The following STN1 variants were observed in gnomAD, a reference collection of about 807,000 sequenced individuals.
STN1 encodes the protein STN1 subunit of CST complex.
Under a neutral mutation model 45.5 loss-of-function variants are expected in STN1, and 29 were observed. The observed-to-expected ratio is 0.64, with a 90% CI of 0.47 to 0.87. The LOEUF (loss-of-function observed/expected upper bound fraction) is 0.87. Among genes scored for constraint, STN1 ranks in the 40% least tolerant of loss-of-function variants. The pLI is 0.00. For missense variants in STN1, 376 were observed against 441.4 expected (o/e 0.85, Z 1.33); for synonymous variants, 148 against 159.0 (o/e 0.93, Z 0.52).
At chr10:103,897,188 T>TATTC (rs745572877) in intron 7 of STN1, among the ~76,000 whole-genome samples, 22 of 152,206 alleles carry the variant, frequency 1.4e-4, no homozygotes, top group Non-Finnish European at 2.5e-4. Flanking sequence ...TTTAATTTTT[T>TATTC]ATTCCTCTTA....
intron 4 of STN1, among the ~76,000 whole-genome samples, chr10:103,901,928 A>G (rs61861158): frequency 0.23 from 34,251 of 152,090 alleles, 4,328 homozygotes; most frequent in Non-Finnish European, 0.27. Context: ...AGTCATTTGG[A>G]TTTTTAATAC....
rs147944034 is a variant in STN1, at chr10:103,917,554, G to C, written c.41C>G (p.Ser14Cys). Residue 14 changes from serine (S) to cysteine (C), a missense_variant, in exon 2 of 10, where the codon TCC (serine) becomes TGC (cysteine). Transcript: ENST00000224950. ...CACAGGATCCAAACCCCACAAGAGGGAAGGGGTCTCCTCTTCACACCGGCT... is the reference window on the plus strand; with the variant it reads ...CACAGGATCCAAACCCCACAAGAGGCAAGGGGTCTCCTCTTCACACCGGCT... ...GSSRCEEETP[S>C]LLWGLDPVFL... 167 of 1,614,066 alleles carry C rather than the reference G, an allele frequency of 1.0e-4. 1 individual carries two copies. In the African/African-American group the frequency reaches 2.0e-3, roughly 20 times the overall value.
chr10:103,892,581 C>T (rs1843146918), intron 7 of STN1, among the ~76,000 whole-genome samples: 1 of 152,050 alleles, frequency 6.6e-6, no homozygotes, highest in Non-Finnish European at 1.5e-5. Context: ...AACCAAAACA[C>T]TGTATATATA....
Position 103,900,170 on chromosome 10 carries a change from G to T in STN1, c.349C>A (p.Gln117Lys). 1 of 1,614,134 alleles carries T rather than the reference G, an allele frequency of 6.2e-7. No individual in the cohort carries two copies. ...LSLTSQLKKL[Q>K]ETIEQKTKIE... The stretch of plus-strand genomic sequence containing the variant: ...TTTGTTTTCTGCTCAATGGTCTCTT[G>T]TAGCTTCTTAAGTTGTGAGGTTAAG... The change falls in exon 5 of 10, where the codon CAA (glutamine) becomes AAA (lysine). Residue 117 changes from glutamine to lysine, a missense_variant. By Grantham distance (53) the Gln-to-Lys change is moderately conservative. Coordinates refer to ENST00000224950, the MANE Select transcript of STN1 (RefSeq NM_024928.5).
At chr10:103,913,885 A>AC (rs1188138356) in intron 2 of STN1, among the ~76,000 whole-genome samples, 1 of 151,680 alleles carries the variant, frequency 6.6e-6, no homozygotes, top group Non-Finnish European at 1.5e-5. Context: ...GCATCAGAGG[A>AC]CCCCCTGGAT....
chr10:103,914,409 C>A (rs1379767126), intron 2 of STN1, among the ~76,000 whole-genome samples: 1 of 112,606 alleles, frequency 8.9e-6, no homozygotes, highest in Non-Finnish European at 1.7e-5. Context: ...GGGTCTTGCT[C>A]TGTTGTCCAG....
In STN1 at chr10:103,880,000, T is replaced by C. The variant is rs540275697; in HGVS notation, c.*2684A>G. On this transcript the variant is annotated 3_prime_UTR_variant, in exon 10 of 10. Coordinates refer to ENST00000224950, the MANE Select transcript of STN1 (RefSeq NM_024928.5). The stretch of plus-strand genomic sequence containing the variant: ...GACCTCTGGCTGGTGACGGCCCACC[T>C]GGGCCTCGCTTGACCATGCTACCTG... Among the ~76,000 whole-genome samples, 2 of 152,346 alleles carry C rather than the reference T, an allele frequency of 1.3e-5. No individual in the cohort carries two copies. The highest frequency in any genetic ancestry group is 4.1e-4 in the South Asian group (2 of 4,822).
At chr10:103,915,922 G>C (rs1026454945) in intron 2 of STN1, among the ~76,000 whole-genome samples, 2 of 151,988 alleles carry the variant, frequency 1.3e-5, no homozygotes, top group African/African-American at 4.8e-5. Context: ...TTCACAATAA[G>C]GTTTGCGCTC....
In STN1 at chr10:103,888,392, A is replaced by G. The variant is rs1327921567; in HGVS notation, c.949+680T>C. Among the ~76,000 whole-genome samples the G allele has an allele frequency of 3.3e-5, 5 of 149,452 alleles. No homozygotes were observed. The East Asian group carries it at 7.8e-4, about 23-fold the overall frequency. On this transcript the variant is annotated intron_variant, in intron 9 of 9. Transcript: ENST00000224950. The stretch of plus-strand genomic sequence containing the variant: ...TCGCCTTTAAGACCGGTCAGTTTAC[A>G]TAGGATTTAAAGATAGACTAATGCT...
At chr10:103,903,750 T>C (rs1307611841) in intron 4 of STN1, among the ~76,000 whole-genome samples, 1 of 152,232 alleles carries the variant, frequency 6.6e-6, no homozygotes, top group Non-Finnish European at 1.5e-5. Flanking sequence ...GTCTTAGGTA[T>C]TCTGTAACAG....
chr10:103,903,293 T>A (rs943505673), intron 4 of STN1, among the ~76,000 whole-genome samples: 1 of 152,162 alleles, frequency 6.6e-6, no homozygotes, highest in African/African-American at 2.4e-5. Context: ...TGACTCCCCA[T>A]CTAGAACAAG....
chr10:103,882,641 C>T lies in STN1; in HGVS notation c.*43G>A, dbSNP rs770977709. ...GAAAGTCAGAGCCTGGGGGTGAATG[C>T]CACCTTATCTTTGTCCTCCTCAGCT... On this transcript the variant is annotated 3_prime_UTR_variant, in exon 10 of 10. Coordinates refer to ENST00000224950, the MANE Select transcript of STN1 (RefSeq NM_024928.5). 1 of 1,561,336 alleles carries T rather than the reference C, an allele frequency of 6.4e-7. No individual in the cohort carries two copies. The highest frequency in any genetic ancestry group is 1.2e-5 in the South Asian group (1 of 83,598).
intron 8 of STN1, among the ~76,000 whole-genome samples, chr10:103,891,893 C>T (rs944484605): frequency 3.9e-5 from 6 of 152,120 alleles, no homozygotes; most frequent in Non-Finnish European, 8.8e-5. Flanking sequence ...TTTCCATCTG[C>T]ATTTGGTTGA....
intron 2 of STN1, among the ~76,000 whole-genome samples, chr10:103,914,391 T>TTGAGACAGGGTC (rs1843314492): frequency 3.6e-5 from 5 of 140,460 alleles, no homozygotes; most frequent in Non-Finnish European, 7.7e-5. Flanking sequence ...TTTTTTTTTT[T>TTGAGACAGGGTC]TGAGACAGGG....
At chr10:103,914,359 T>C (rs1168934395) in intron 2 of STN1, among the ~76,000 whole-genome samples, 1 of 42,506 alleles carries the variant, frequency 2.4e-5, no homozygotes, top group African/African-American at 9.0e-5. Flanking sequence ...TATATATATA[T>C]ATATATATAT....
chr10:103,911,099 A>G (rs1463738869), intron 2 of STN1, among the ~76,000 whole-genome samples: 2 of 151,802 alleles, frequency 1.3e-5, no homozygotes, highest in African/African-American at 2.4e-5. Context: ...TTAAAAAAAA[A>G]CAGTAAGTAG....
At chr10:103,889,695 CTTTTTTTT>C (rs58738841) in intron 8 of STN1, among the ~76,000 whole-genome samples, 110 of 122,132 alleles carry the variant, frequency 9.0e-4, no homozygotes, top group African/African-American at 2.6e-3. Flanking sequence ...TTTCTTTTTC[CTTTTTTTT>C]TTTTTTTTTT....
intron 5 of STN1, among the ~76,000 whole-genome samples, chr10:103,899,240 A>G (rs573377437): frequency 6.6e-6 from 1 of 152,360 alleles, no homozygotes; most frequent in South Asian, 2.1e-4. Context: ...CCAGGAAAGC[A>G]CATCAATGTA....
At chr10:103,885,435 GCA>G (rs1219662759) in intron 9 of STN1, among the ~76,000 whole-genome samples, 2 of 152,306 alleles carry the variant, frequency 1.3e-5, no homozygotes, top group East Asian at 3.9e-4. Context: ...GGGGCCCAAA[GCA>G]GTGATGCTGA....
Sources: gnomAD v4.1 joint callset for allele counts (sites outside exome capture counted in the v4.1 genomes callset) on GRCh38, gnomAD v4.1.1 for gene constraint, MANE v1.5 for transcripts, NCBI Gene and HGNC (gene_info 2026-07-23, HGNC 2026-07-21) for gene names.